RABGAP1L: variants seen among roughly 807,000 people sequenced by gnomAD.
The protein encoded by RABGAP1L is RAB GTPase activating protein 1 like.
Under a neutral mutation model 137.7 loss-of-function variants are expected in RABGAP1L, and 63 were observed. That is an observed-to-expected ratio of 0.46 (90% CI 0.37 to 0.56). The LOEUF is 0.56. RABGAP1L is among the 20% of genes least tolerant of loss of function. The pLI, the probability that RABGAP1L is intolerant of heterozygous loss-of-function variation, is 0.00. For missense variants in RABGAP1L, 1,095 were observed against 1,244.0 expected (o/e 0.88, Z 1.80); for synonymous variants, 431 against 433.7 (o/e 0.99, Z 0.08).
chr1:174,635,330 A>G (rs574421687), intron 13 of RABGAP1L, among the ~76,000 whole-genome samples: 3 of 152,292 alleles, frequency 2.0e-5, no homozygotes, highest in East Asian at 1.9e-4. Flanking sequence ...CAGTAGTAAC[A>G]TTTTTATTCC....
chr1:174,475,774 A>T (rs1194393938), intron 13 of RABGAP1L, among the ~76,000 whole-genome samples: 9 of 71,976 alleles, frequency 1.3e-4, no homozygotes, highest in African/African-American at 7.2e-4. Context: ...CCGTGTCTTA[A>T]AAAAAAAAAA....
chr1:174,277,098 C>T (rs1675065197), intron 9 of RABGAP1L, among the ~76,000 whole-genome samples: 1 of 151,874 alleles, frequency 6.6e-6, no homozygotes, highest in South Asian at 2.1e-4. Context: ...TAATGAAGGG[C>T]ATTAAAATGA....
At chr1:174,617,929 G>A (rs900192058) in intron 13 of RABGAP1L, among the ~76,000 whole-genome samples, 6 of 151,998 alleles carry the variant, frequency 3.9e-5, no homozygotes, top group Non-Finnish European at 7.4e-5. Context: ...CTGGAAAATC[G>A]GGTCACTCCC....
chr1:174,274,823 T>C (rs1015947386), intron 8 of RABGAP1L, among the ~76,000 whole-genome samples: 1 of 152,112 alleles, frequency 6.6e-6, no homozygotes, highest in South Asian at 2.1e-4. Flanking sequence ...ACCAAATGAC[T>C]GACACAATTT....
chr1:174,269,049 T>A (rs1248940448), intron 7 of RABGAP1L, among the ~76,000 whole-genome samples: 1 of 152,102 alleles, frequency 6.6e-6, no homozygotes, highest in Non-Finnish European at 1.5e-5. Context: ...TTCACGCCAT[T>A]CTCTCGTCTA....
At chr1:174,552,364 C>T (rs1448763754) in intron 13 of RABGAP1L, among the ~76,000 whole-genome samples, 2 of 152,032 alleles carry the variant, frequency 1.3e-5, no homozygotes, top group Non-Finnish European at 2.9e-5. Flanking sequence ...TGTTGTTTCC[C>T]TCTATGTGTC....
chr1:174,597,558 T>A (rs1450622716), intron 13 of RABGAP1L, among the ~76,000 whole-genome samples: 1 of 151,756 alleles, frequency 6.6e-6, no homozygotes, highest in African/African-American at 2.4e-5. Flanking sequence ...CAGTTGTAAT[T>A]TTTTTTTAAT....
intron 13 of RABGAP1L, among the ~76,000 whole-genome samples, chr1:174,505,764 G>A (rs1035452920): frequency 6.6e-6 from 1 of 152,090 alleles, no homozygotes; most frequent in Admixed American, 6.5e-5. Flanking sequence ...ATTAAAAATA[G>A]AACCACCATA....
At position 174,457,138 on chromosome 1, in the gene RABGAP1L, G is replaced by A. The variant is rs186053710; in HGVS notation, c.1710+62993G>A. On this transcript the variant is annotated intron_variant, in intron 13 of 25. Transcript: ENST00000681986. ...ACATTGTAGCGTTAGAGGGATTAAC[G>A]CATTTTAGAATATGAATTGGCTTCA... Among the ~76,000 whole-genome samples, 21 of 152,236 alleles carry A rather than the reference G, an allele frequency of 1.4e-4. 1 individual carries two copies. Among genetic ancestry groups the A allele is most frequent in the Admixed American group, 6.5e-4 (10 of 15,300 alleles).
chr1:174,532,931 A>C (rs1158351822), intron 13 of RABGAP1L, among the ~76,000 whole-genome samples: 1 of 152,192 alleles, frequency 6.6e-6, no homozygotes, highest in South Asian at 2.1e-4. Flanking sequence ...ATCCACAACT[A>C]AGCTTGAGAA....
chr1:174,863,234 A>AAAAAAAAC lies in RABGAP1L; in HGVS notation c.2340+51281_2340+51282insCAAAAAAA, dbSNP rs1553267176. On this transcript the variant is annotated intron_variant, in intron 19 of 25. Transcript: ENST00000681986. Reference sequence around the variant, plus strand: ...AATTTGTACATGAGTTGTTTGTAGCAAAAAAAAAAAAAAAGAAAAACAGTA... The same window carrying AAAAAAAAC: ...AATTTGTACATGAGTTGTTTGTAGCAAAAAAAACAAAAAAAAAAAAAAGAAAAACAGTA... Among the ~76,000 whole-genome samples the AAAAAAAAC allele has an allele frequency of 2.1e-4, 3 of 14,292 alleles. 1 individual carries two copies. The highest frequency in any genetic ancestry group is 1.3e-3 in the African/African-American group (3 of 2,224). The allele number at this position is 14,292 out of a possible 152,430, so 9.4% of individuals were successfully genotyped here.
chr1:174,571,630 T>C (rs922875830), intron 13 of RABGAP1L, among the ~76,000 whole-genome samples: 3 of 152,170 alleles, frequency 2.0e-5, no homozygotes, highest in Non-Finnish European at 2.9e-5. Flanking sequence ...ATGCATGCAA[T>C]ATAAATGCTT....
chr1:174,504,977 G>A (rs1310582029), intron 13 of RABGAP1L, among the ~76,000 whole-genome samples: 1 of 152,038 alleles, frequency 6.6e-6, no homozygotes, highest in East Asian at 1.9e-4. Flanking sequence ...ATCTGATAAG[G>A]GGTTAATATC....
chr1:174,765,213 T>C (rs546789839), intron 18 of RABGAP1L, among the ~76,000 whole-genome samples: 5 of 152,324 alleles, frequency 3.3e-5, no homozygotes, highest in African/African-American at 1.2e-4. Context: ...ATAGCCACCT[T>C]AGTGGACATG....
chr1:174,793,471 G>A (rs1464614064), intron 18 of RABGAP1L, among the ~76,000 whole-genome samples: 1 of 152,190 alleles, frequency 6.6e-6, no homozygotes, highest in East Asian at 1.9e-4. Context: ...CTACCAAAAT[G>A]TCAGGTAACT....
At chr1:174,173,199 C>T (rs544716429) in intron 1 of RABGAP1L, among the ~76,000 whole-genome samples, 6 of 151,246 alleles carry the variant, frequency 4.0e-5, no homozygotes, top group East Asian at 3.9e-4. Context: ...GGCATGGTCT[C>T]GGTTCACCGT....
chr1:174,810,482 A>T (rs1203708501), intron 18 of RABGAP1L, among the ~76,000 whole-genome samples: 1 of 152,210 alleles, frequency 6.6e-6, no homozygotes, highest in African/African-American at 2.4e-5. Flanking sequence ...AGACCCTGTT[A>T]CAAGCAGGAA....
At chr1:174,887,613 G>T (rs1039083068) in intron 19 of RABGAP1L, among the ~76,000 whole-genome samples, 4 of 30,196 alleles carry the variant, frequency 1.3e-4, no homozygotes, top group Admixed American at 2.7e-4. Flanking sequence ...GCAAAAACTT[G>T]GGGGGGGGGT....
At chr1:174,614,999 T>C (rs918750109) in intron 13 of RABGAP1L, among the ~76,000 whole-genome samples, 1 of 152,238 alleles carries the variant, frequency 6.6e-6, no homozygotes, top group Non-Finnish European at 1.5e-5. Context: ...TTCAAAGTTA[T>C]TAACTTCTTT....
Sources: allele counts gnomAD v4.1 joint callset (sites outside exome capture counted in the v4.1 genomes callset), GRCh38; gene constraint gnomAD v4.1.1; transcripts MANE v1.5; gene names NCBI Gene and HGNC (gene_info 2026-07-23, HGNC 2026-07-21).